Variants in ARHGEF7 observed in about 807,000 individuals in gnomAD.
The protein encoded by ARHGEF7 is PAK-interacting exchange factor beta.
ARHGEF7 carries 33 observed loss-of-function variants against 109.8 expected under a neutral mutation model. The observed-to-expected ratio is 0.30, with a 90% CI of 0.23 to 0.40. ARHGEF7 has a LOEUF of 0.40. Among genes scored for constraint, ARHGEF7 ranks in the 10% least tolerant of loss-of-function variants. The pLI, the probability that ARHGEF7 is intolerant of heterozygous loss-of-function variation, is 1.00. For synonymous variants in ARHGEF7, 458 were observed against 424.6 expected, an observed-to-expected ratio of 1.08 and a Z score of -0.97; for missense variants, 938 against 1,098.5, an observed-to-expected ratio of 0.85 and a Z score of 2.07.
intron 4 of ARHGEF7, among the ~76,000 whole-genome samples, chr13:111,215,460 C>T (rs1197558102): frequency 6.6e-6 from 1 of 151,918 alleles, no homozygotes; most frequent in African/African-American, 2.4e-5. Flanking sequence ...TCCCCTGGCC[C>T]CTTGACCTGC....
At chr13:111,206,879 G>A (rs563986756) in intron 3 of ARHGEF7, among the ~76,000 whole-genome samples, 6 of 150,410 alleles carry the variant, frequency 4.0e-5, no homozygotes, top group Non-Finnish European at 7.4e-5. Flanking sequence ...GGAGAATGGC[G>A]TGAACCCGGG....
chr13:111,162,678 C>G (rs1292966831), intron 2 of ARHGEF7, among the ~76,000 whole-genome samples: 1 of 152,186 alleles, frequency 6.6e-6, no homozygotes, highest in Non-Finnish European at 1.5e-5. Context: ...CACTCATCTT[C>G]CCTGTGTATT....
In ARHGEF7 at chr13:111,239,381, G is replaced by T. The variant is rs1595068807; in HGVS notation, c.760-4491G>T. 1.3e-5 allele frequency among the ~76,000 whole-genome samples: 2 copies of T among 152,132 alleles called. No individual in the cohort carries two copies. The highest frequency in any genetic ancestry group is 1.9e-4 in the East Asian group (1 of 5,196). On this transcript the variant is annotated intron_variant, in intron 6 of 21. Coordinates refer to ENST00000646102, the MANE Select transcript of ARHGEF7 (RefSeq NM_001354046.2). The surrounding 1 kb of genome is among the most constrained non-coding windows in gnomAD (Gnocchi z 4.3). ...ACACACATCCACGGGCCTTTCCTGTGCTCCAGAGAAGCCGCACACCTGTCT... is the reference window on the plus strand; with the variant it reads ...ACACACATCCACGGGCCTTTCCTGTTCTCCAGAGAAGCCGCACACCTGTCT...
intron 2 of ARHGEF7, among the ~76,000 whole-genome samples, chr13:111,184,702 A>C (rs927602458): frequency 1.3e-5 from 2 of 152,060 alleles, no homozygotes; most frequent in African/African-American, 4.8e-5. Context: ...CTATGCTGTT[A>C]TTTCCTATCA....
At chr13:111,213,221 G>A (rs2082710936) in intron 4 of ARHGEF7, among the ~76,000 whole-genome samples, 1 of 152,120 alleles carries the variant, frequency 6.6e-6, no homozygotes, top group Non-Finnish European at 1.5e-5. Flanking sequence ...ATCAGAAAGA[G>A]GCCGTTAAGG....
intron 8 of ARHGEF7, among the ~76,000 whole-genome samples, chr13:111,265,939 C>T (rs989213951): frequency 5.3e-5 from 8 of 152,198 alleles, no homozygotes; most frequent in African/African-American, 9.6e-5. Context: ...CCAGCAGGGG[C>T]GGACTGAGGC....
At chr13:111,134,307 C>T (rs1409926897) in intron 1 of ARHGEF7, among the ~76,000 whole-genome samples, 1 of 152,126 alleles carries the variant, frequency 6.6e-6, no homozygotes, top group Non-Finnish European at 1.5e-5. Context: ...GGTATATACC[C>T]AGTAATGGGA....
In ARHGEF7 at chr13:111,276,258, T is replaced by C. The variant is rs540982893; in HGVS notation, c.1419+580T>C. On this transcript the variant is annotated intron_variant, in intron 12 of 21. Transcript: ENST00000646102. The stretch of plus-strand genomic sequence containing the variant: ...AATGGGTCACTGAACAGGCACCTCT[T>C]TCTGAATTTTATTCTACCTTTGCAA... Among the ~76,000 whole-genome samples, 8 of 152,322 alleles carry C rather than the reference T, an allele frequency of 5.3e-5. No individual in the cohort carries two copies. In the East Asian group the frequency reaches 1.4e-3, roughly 26 times the overall value.
chr13:111,227,027 AT>A (rs1326257582), intron 5 of ARHGEF7, among the ~76,000 whole-genome samples: 2 of 152,214 alleles, frequency 1.3e-5, no homozygotes, highest in African/African-American at 4.8e-5. Context: ...GAGAACTAAA[AT>A]TGGAAGTGGA....
intron 3 of ARHGEF7, among the ~76,000 whole-genome samples, chr13:111,207,282 C>T (rs1039609271): frequency 3.9e-5 from 6 of 152,230 alleles, no homozygotes; most frequent in African/African-American, 1.4e-4. Flanking sequence ...AGTCCTCCCA[C>T]CTCGGCCTCC....
chr13:111,135,820 T>C (rs1437161805), intron 1 of ARHGEF7, among the ~76,000 whole-genome samples: 1 of 152,252 alleles, frequency 6.6e-6, no homozygotes, highest in East Asian at 1.9e-4. Flanking sequence ...TGGCTAGAAC[T>C]TCCAACACTG....
chr13:111,280,698 C>T, intron 15 of ARHGEF7, 21 bp downstream of exon 15: 1 of 1,502,784 alleles, frequency 6.7e-7, no homozygotes, highest in African/African-American at 1.4e-5. Context: ...GGTGCTTCTC[C>T]TCCTTCCAGA....
chr13:111,230,529 C>T (rs997280192), intron 5 of ARHGEF7, among the ~76,000 whole-genome samples: 6 of 152,230 alleles, frequency 3.9e-5, no homozygotes, highest in Non-Finnish European at 7.3e-5. Flanking sequence ...GTGACCGCCC[C>T]AGGAGCCTGG....
chr13:111,141,332 A>G (rs1204113991), intron 1 of ARHGEF7, among the ~76,000 whole-genome samples: 1 of 150,622 alleles, frequency 6.6e-6, no homozygotes, highest in Non-Finnish European at 1.5e-5. Context: ...ACCCCTGGCA[A>G]CTGTTGATCT....
At chr13:111,238,254 C>T (rs1339428117) in intron 6 of ARHGEF7, among the ~76,000 whole-genome samples, 2 of 152,114 alleles carry the variant, frequency 1.3e-5, no homozygotes, top group Non-Finnish European at 2.9e-5. Flanking sequence ...TTTGTTGAAT[C>T]GTCCATGCTG....
intron 2 of ARHGEF7, among the ~76,000 whole-genome samples, chr13:111,164,493 C>T (rs372963525): frequency 1.3e-5 from 2 of 152,296 alleles, no homozygotes; most frequent in East Asian, 1.9e-4. Context: ...CACACAGGGC[C>T]CTGTGCTTGG....
Position 111,228,126 on chromosome 13 carries a change from GCT to G in ARHGEF7, c.671-5074_671-5073del, listed in dbSNP as rs2085474153. On this transcript the variant is annotated intron_variant, in intron 5 of 21. Coordinates refer to ENST00000646102, the MANE Select transcript of ARHGEF7 (RefSeq NM_001354046.2). This position sits in a 1 kb window ranked among gnomAD's most constrained non-coding sequence, Gnocchi z 4.6. ...GTAAGCGTGCAGGTCTGTGCTCTCT[GCT>G]CTCTACTGGCATCCAAAAAAGAGGA... Among the ~76,000 whole-genome samples, 1 of 152,166 alleles carries G rather than the reference GCT, an allele frequency of 6.6e-6. No homozygotes were observed. The highest frequency in any genetic ancestry group is 2.1e-4 in the South Asian group (1 of 4,830).
intron 1 of ARHGEF7, among the ~76,000 whole-genome samples, chr13:111,153,039 C>T (rs1265887143): frequency 6.6e-6 from 1 of 152,254 alleles, no homozygotes; most frequent in Non-Finnish European, 1.5e-5. Context: ...TTCATGTTAA[C>T]TATTTCGGTT....
chr13:111,257,633 AT>A (rs1175967688), intron 8 of ARHGEF7, among the ~76,000 whole-genome samples: 2 of 152,242 alleles, frequency 1.3e-5, no homozygotes, highest in African/African-American at 4.8e-5. Flanking sequence ...CAGGTGAGTG[AT>A]CACGGTGCCT....
Sources: allele counts gnomAD v4.1 joint callset (sites outside exome capture counted in the v4.1 genomes callset), GRCh38; gene constraint gnomAD v4.1.1; non-coding constraint Gnocchi (gnomAD v3.1); transcripts MANE v1.5; gene names NCBI Gene and HGNC (gene_info 2026-07-23, HGNC 2026-07-21).